The following RUNDC3B variants were observed in gnomAD, a reference collection of about 807,000 sequenced individuals.
The protein encoded by RUNDC3B is RUN domain containing 3B.
Under a neutral mutation model 58.4 loss-of-function variants are expected in RUNDC3B, and 33 were observed. That is an observed-to-expected ratio of 0.56 (90% CI 0.43 to 0.75). RUNDC3B has a LOEUF of 0.75. Ranked by LOEUF, RUNDC3B falls within the 30% of genes least tolerant of loss-of-function variation. The pLI is 0.00. For synonymous variants in RUNDC3B, 193 were observed against 195.2 expected (o/e 0.99, Z 0.10); for missense variants, 501 against 535.7 (o/e 0.94, Z 0.64).
chr7:87,731,310 T>A (rs28879532), intron 4 of RUNDC3B, among the ~76,000 whole-genome samples: 7,356 of 151,820 alleles, frequency 0.048, 264 homozygotes, highest in East Asian at 0.091. Flanking sequence ...TTAAGGCTTA[T>A]CACAATAAAA....
chr7:87,640,374 T>G (rs1363428519), intron 1 of RUNDC3B, among the ~76,000 whole-genome samples: 1 of 152,048 alleles, frequency 6.6e-6, no homozygotes, highest in Non-Finnish European at 1.5e-5. Context: ...TTTTAGAGGT[T>G]GGGTCTTGCT....
intron 6 of RUNDC3B, among the ~76,000 whole-genome samples, chr7:87,757,621 G>A (rs947482101): frequency 1.3e-5 from 2 of 152,056 alleles, no homozygotes; most frequent in South Asian, 2.1e-4. Context: ...TGTATTTGCT[G>A]TCAAAATACC....
chr7:87,681,266 T>G (rs1018593637), intron 2 of RUNDC3B, among the ~76,000 whole-genome samples: 1 of 150,642 alleles, frequency 6.6e-6, no homozygotes, highest in Non-Finnish European at 1.5e-5. Context: ...AAGGTAATAA[T>G]AGTAATCCTA....
At position 87,775,360 on chromosome 7, in the gene RUNDC3B, A is replaced by G. The variant is rs150053513; in HGVS notation, c.799-2438A>G. ...AAAAAGCTTATAGAATAAGGATGTT[A>G]AAAAGAAAATGTTTTTGTATAGCTG... On this transcript the variant is annotated intron_variant, in intron 7 of 10. Transcript: ENST00000394654. Among the ~76,000 whole-genome samples, 369 of 152,384 alleles carry G rather than the reference A, an allele frequency of 2.4e-3. 1 individual carries two copies. The highest frequency in any genetic ancestry group is 8.2e-3 in the African/African-American group (343 of 41,602).
intron 10 of RUNDC3B, among the ~76,000 whole-genome samples, chr7:87,827,122 A>G (rs1322997281): frequency 6.6e-6 from 1 of 152,234 alleles, no homozygotes; most frequent in Non-Finnish European, 1.5e-5. Flanking sequence ...ACATAAAATT[A>G]CAACAAAATT....
At chr7:87,633,226 C>T (rs187933869) in intron 1 of RUNDC3B, among the ~76,000 whole-genome samples, 25 of 152,224 alleles carry the variant, frequency 1.6e-4, no homozygotes, top group African/African-American at 4.8e-4. Context: ...TATTTTGGAG[C>T]GCAGGATTTG....
intron 2 of RUNDC3B, among the ~76,000 whole-genome samples, chr7:87,657,841 G>A (rs1824266391): frequency 6.6e-6 from 1 of 152,146 alleles, no homozygotes; most frequent in Non-Finnish European, 1.5e-5. Flanking sequence ...GTCAGTGGAA[G>A]CCAATTGGGA....
chr7:87,785,351 C>A (rs1442038178), intron 8 of RUNDC3B, among the ~76,000 whole-genome samples: 1 of 152,088 alleles, frequency 6.6e-6, no homozygotes, highest in Non-Finnish European at 1.5e-5. Context: ...CACATGAACT[C>A]ACGCCTCCCT....
rs145312796 is a variant in RUNDC3B at position 87,703,143 on chromosome 7, C to T, written c.372+2589C>T. Among the ~76,000 whole-genome samples, 678 of 151,990 alleles carry T rather than the reference C, an allele frequency of 4.5e-3. 5 individuals are homozygous for T. Among genetic ancestry groups the T allele is most frequent in the African/African-American group, 0.016 (643 of 41,480 alleles). ...GATGAAGACATAATTCATTATTTCACGATTATAGAATTATAAATTATGTGT... is the reference window on the plus strand; with the variant it reads ...GATGAAGACATAATTCATTATTTCATGATTATAGAATTATAAATTATGTGT... On this transcript the variant is annotated intron_variant, in intron 3 of 10. Coordinates refer to ENST00000394654, the MANE Select transcript of RUNDC3B (RefSeq NM_001134405.2).
chr7:87,739,774 C>G lies in RUNDC3B; in HGVS notation c.459-17C>G, dbSNP rs1832204972. 4 of 1,234,672 alleles carry G rather than the reference C, an allele frequency of 3.2e-6. No homozygotes were observed. In the Admixed American group the frequency reaches 6.9e-5, roughly 21 times the overall value. 76.5% of individuals were successfully genotyped at this position (1,234,672 alleles called of 1,614,324 possible). ...TTATTTTTAATATTTTATATATTCACCCATTTCATTTTTTAGGAGATTTTA... is the reference window on the plus strand; with the variant it reads ...TTATTTTTAATATTTTATATATTCAGCCATTTCATTTTTTAGGAGATTTTA... On this transcript the variant is annotated splice_polypyrimidine_tract_variant and intron_variant, in intron 4 of 10. Transcript: ENST00000394654.
At chr7:87,783,370 G>T (rs1376495826) in intron 8 of RUNDC3B, among the ~76,000 whole-genome samples, 1 of 152,026 alleles carries the variant, frequency 6.6e-6, no homozygotes, top group East Asian at 1.9e-4. Context: ...CTTTCTTCAT[G>T]TCTTTACTTT....
intron 6 of RUNDC3B, among the ~76,000 whole-genome samples, chr7:87,744,105 G>A (rs188698927): frequency 4.6e-5 from 7 of 152,076 alleles, no homozygotes; most frequent in African/African-American, 7.2e-5. Context: ...TTGCTTTGTC[G>A]TAGATCAGTT....
At chr7:87,779,997 T>C (rs1310355615) in intron 8 of RUNDC3B, among the ~76,000 whole-genome samples, 1 of 152,214 alleles carries the variant, frequency 6.6e-6, no homozygotes, top group Non-Finnish European at 1.5e-5. Flanking sequence ...TAGTCCATGG[T>C]ATTGATGTAC....
At chr7:87,724,356 C>T (rs770939219) in intron 4 of RUNDC3B, among the ~76,000 whole-genome samples, 1 of 152,114 alleles carries the variant, frequency 6.6e-6, no homozygotes, top group Non-Finnish European at 1.5e-5. Flanking sequence ...TATAGAAAAA[C>T]ATTTCAGGAT....
intron 3 of RUNDC3B, among the ~76,000 whole-genome samples, chr7:87,703,913 G>GTT (rs1829340053): frequency 3.2e-4 from 10 of 31,284 alleles, no homozygotes; most frequent in South Asian, 1.0e-3. Context: ...TTTTTTTTTT[G>GTT]GTTTTTTTTT....
intron 6 of RUNDC3B, among the ~76,000 whole-genome samples, chr7:87,760,136 A>G (rs1833596558): frequency 6.6e-6 from 1 of 151,512 alleles, no homozygotes; most frequent in Non-Finnish European, 1.5e-5. Flanking sequence ...ATCAATTACC[A>G]TAACTATAAC....
chr7:87,725,054 A>G (rs1831135345), intron 4 of RUNDC3B, among the ~76,000 whole-genome samples: 1 of 152,174 alleles, frequency 6.6e-6, no homozygotes, highest in Non-Finnish European at 1.5e-5. Flanking sequence ...TGTGCATTTT[A>G]TAAGCCCTTG....
At chr7:87,792,028 G>T (rs1835546880) in intron 8 of RUNDC3B, among the ~76,000 whole-genome samples, 1 of 151,982 alleles carries the variant, frequency 6.6e-6, no homozygotes, top group Non-Finnish European at 1.5e-5. Context: ...GAAAGAGATA[G>T]TCCAAGCAAA....
At chr7:87,640,372 GT>G (rs1471633931) in intron 1 of RUNDC3B, among the ~76,000 whole-genome samples, 3 of 151,670 alleles carry the variant, frequency 2.0e-5, no homozygotes, top group Non-Finnish European at 4.4e-5. Flanking sequence ...TTTTTTAGAG[GT>G]TGGGTCTTGC....
Sources: gnomAD v4.1 joint callset for allele counts (sites outside exome capture counted in the v4.1 genomes callset) on GRCh38, gnomAD v4.1.1 for gene constraint, MANE v1.5 for transcripts, NCBI Gene and HGNC (gene_info 2026-07-23, HGNC 2026-07-21) for gene names.